Variants in PLXNA4 observed in about 807,000 individuals in gnomAD.
PLXNA4 encodes plexin-A4.
A neutral mutation model predicts 191.8 loss-of-function variants in PLXNA4; 44 were observed. The observed-to-expected ratio is 0.23, with a 90% CI of 0.18 to 0.29. The LOEUF (loss-of-function observed/expected upper bound fraction) is 0.29, where lower values mean the gene tolerates loss of function less well. Among genes scored for constraint, PLXNA4 ranks in the 10% least tolerant of loss-of-function variants. The pLI is 1.00. For synonymous variants in PLXNA4, 1,082 were observed against 1,009.5 expected (o/e 1.07, Z -1.36); for missense variants, 1,800 against 2,488.8 (o/e 0.72, Z 5.89).
At chr7:132,213,004 A>G (rs1444949340) in intron 9 of PLXNA4, among the ~76,000 whole-genome samples, 1 of 152,238 alleles carries the variant, frequency 6.6e-6, no homozygotes, top group Non-Finnish European at 1.5e-5. Flanking sequence ...GAAGCAACCC[A>G]GGTGTTCACT....
rs140317755 is a variant in PLXNA4 at position 132,280,276 on chromosome 7, T to C, written c.1503+17815A>G. Among the ~76,000 whole-genome samples the C allele has an allele frequency of 5.8e-3, 884 of 151,324 alleles. 17 individuals carry two copies. Among genetic ancestry groups the C allele is most frequent in the African/African-American group, 0.02 (818 of 41,180 alleles). ...AAGAATGAGACAAGAGATCGAGAGA[T>C]TGAGATAAAAATAAGGAAGAAGGTG... On this transcript the variant is annotated intron_variant, in intron 4 of 31. Coordinates refer to ENST00000321063, the MANE Select transcript of PLXNA4 (RefSeq NM_020911.2).
chr7:132,233,023 C>G (rs2117003556), intron 5 of PLXNA4, among the ~76,000 whole-genome samples: 1 of 152,274 alleles, frequency 6.6e-6, no homozygotes, highest in African/African-American at 2.4e-5. Context: ...GATCCCCAAT[C>G]CTTAACATTT....
intron 3 of PLXNA4, among the ~76,000 whole-genome samples, chr7:132,460,986 T>G (rs1185126388): frequency 2.0e-5 from 3 of 152,010 alleles, no homozygotes; most frequent in African/African-American, 7.2e-5. Context: ...TCACAAGAAA[T>G]ATTTTCCTAT....
intron 2 of PLXNA4, among the ~76,000 whole-genome samples, chr7:132,590,250 G>A (rs1010250285): frequency 6.6e-6 from 1 of 152,176 alleles, no homozygotes; most frequent in East Asian, 1.9e-4. Flanking sequence ...AGGAAGGAAG[G>A]TGCCGATTAG....
chr7:132,325,888 C>T (rs1047003719), intron 3 of PLXNA4, among the ~76,000 whole-genome samples: 7 of 152,138 alleles, frequency 4.6e-5, no homozygotes, highest in East Asian at 3.9e-4. Context: ...CAGCAGGCAG[C>T]GGATTCCAAC....
chr7:132,484,076 G>A (rs1797447283), intron 3 of PLXNA4, among the ~76,000 whole-genome samples: 1 of 152,350 alleles, frequency 6.6e-6, no homozygotes, highest in Admixed American at 6.5e-5. Context: ...TACATCAAAA[G>A]GGTGATTGAG....
Position 132,465,114 on chromosome 7 carries a change from A to T in PLXNA4, c.1371+24178T>A, listed in dbSNP as rs992993073. ...ATTCCCTCCACCACTTGCATCCCCC[A>T]CTCCCCAGACCTCACCCCAACAACT... is the stretch of plus-strand genomic sequence containing the variant. On this transcript the variant is annotated intron_variant, in intron 3 of 31. Coordinates refer to ENST00000321063, the MANE Select transcript of PLXNA4 (RefSeq NM_020911.2). Among the ~76,000 whole-genome samples the T allele has an allele frequency of 2.6e-5, 4 of 151,858 alleles. No individual in the cohort carries two copies. The East Asian group carries it at 7.8e-4, about 29-fold the overall frequency.
chr7:132,473,283 C>T (rs928057272), intron 3 of PLXNA4, among the ~76,000 whole-genome samples: 1 of 152,170 alleles, frequency 6.6e-6, no homozygotes, highest in Non-Finnish European at 1.5e-5. Flanking sequence ...GACACTTTTG[C>T]TGGTCAGTTT....
intron 16 of PLXNA4, among the ~76,000 whole-genome samples, chr7:132,182,938 G>A (rs1447518792): frequency 1.4e-4 from 22 of 152,162 alleles, no homozygotes; most frequent in Admixed American, 1.4e-3. Flanking sequence ...CAGCTGAGAA[G>A]TGGGCATAAA....
intron 1 of PLXNA4, among the ~76,000 whole-genome samples, chr7:132,554,163 A>G (rs1800688565): frequency 6.6e-6 from 1 of 152,224 alleles, no homozygotes; most frequent in Non-Finnish European, 1.5e-5. Flanking sequence ...AAGCAATGGC[A>G]CAGAATATCT....
At chr7:132,648,118 C>T (rs1803919506) in intron 1 of PLXNA4, among the ~76,000 whole-genome samples, 1 of 152,054 alleles carries the variant, frequency 6.6e-6, no homozygotes, top group South Asian at 2.1e-4. Flanking sequence ...CACACATATG[C>T]ACTCACACAT....
intron 3 of PLXNA4, among the ~76,000 whole-genome samples, chr7:132,443,958 A>G (rs1247161270): frequency 6.6e-6 from 1 of 152,218 alleles, no homozygotes; most frequent in East Asian, 1.9e-4. Flanking sequence ...ACACTGTCCA[A>G]CAAAGCCACA....
rs1443489889 is a variant in PLXNA4 at position 132,126,347 on chromosome 7, G to GCTGGGCTGAGAGGT, written c.*4118_*4131dup. ...GATGGGGCTGGGGCAGTCACAGAGG[G>GCTGGGCTGAGAGGT]CTGGGCTGAGAGGTCTGAGCAGCTC... On this transcript the variant is annotated 3_prime_UTR_variant, in exon 32 of 32. Coordinates refer to ENST00000321063, the MANE Select transcript of PLXNA4 (RefSeq NM_020911.2). The GCTGGGCTGAGAGGT allele has an allele frequency of 2.0e-5, 3 of 152,948 alleles. No individual in the cohort carries two copies. Among genetic ancestry groups the GCTGGGCTGAGAGGT allele is most frequent in the Non-Finnish European group, 4.4e-5 (3 of 68,640 alleles). 9.5% of individuals were successfully genotyped at this position (152,948 alleles called of 1,614,324 possible). A position where few individuals can be genotyped will look rare whatever the true frequency, so the allele number is the denominator to read the frequency against.
chr7:132,166,056 G>A (rs373569987), intron 22 of PLXNA4, among the ~76,000 whole-genome samples: 11 of 152,172 alleles, frequency 7.2e-5, no homozygotes, highest in African/African-American at 1.7e-4. Context: ...AATTAGCTGG[G>A]CGTGGTGGCA....
chr7:132,385,549 G>A (rs1032079365), intron 3 of PLXNA4, among the ~76,000 whole-genome samples: 5 of 152,130 alleles, frequency 3.3e-5, no homozygotes, highest in African/African-American at 1.2e-4. Context: ...TGTTACACCC[G>A]GCCCCAGGCA....
intron 2 of PLXNA4, among the ~76,000 whole-genome samples, chr7:132,609,918 A>G (rs1181028759): frequency 1.3e-5 from 2 of 152,040 alleles, no homozygotes; most frequent in East Asian, 1.9e-4. Flanking sequence ...AGAGATGCCC[A>G]TTTTTTCCCA....
At chr7:132,431,618 A>T (rs979529304) in intron 3 of PLXNA4, among the ~76,000 whole-genome samples, 1 of 152,116 alleles carries the variant, frequency 6.6e-6, no homozygotes, top group African/African-American at 2.4e-5. Context: ...CCTGCAAGAC[A>T]TCTGACCTGC....
intron 2 of PLXNA4, among the ~76,000 whole-genome samples, chr7:132,490,721 C>T (rs928833648): frequency 6.6e-6 from 1 of 152,136 alleles, no homozygotes; most frequent in Non-Finnish European, 1.5e-5. Context: ...CCCTTGCACC[C>T]AGCTGCTAAA....
intron 3 of PLXNA4, among the ~76,000 whole-genome samples, chr7:132,300,871 C>A (rs1017034967): frequency 2.6e-5 from 4 of 152,248 alleles, no homozygotes; most frequent in African/African-American, 9.6e-5. Flanking sequence ...TCCAGTGCCC[C>A]TTGGCCTGAT....
Sources: allele counts gnomAD v4.1 joint callset (sites outside exome capture counted in the v4.1 genomes callset), GRCh38; gene constraint gnomAD v4.1.1; transcripts MANE v1.5; gene names NCBI Gene and HGNC (gene_info 2026-07-23, HGNC 2026-07-21).